LUZP2: variants seen among roughly 807,000 people sequenced by gnomAD.
The protein encoded by LUZP2 is leucine zipper protein 2.
LUZP2 carries 52 observed loss-of-function variants against 51.6 expected under a neutral mutation model. The observed-to-expected ratio is 1.01, with a 90% confidence interval of 0.81 to 1.27. The LOEUF (loss-of-function observed/expected upper bound fraction) is 1.27, where lower values mean the gene tolerates loss of function less well. LUZP2 is among the 50% of genes most tolerant of loss of function. The probability of loss-of-function intolerance (pLI) is 0.00; values close to 1 mark genes in which losing one functional copy is unlikely to be tolerated. For missense variants in LUZP2, 436 were observed against 395.4 expected (o/e 1.10, Z -0.87); for synonymous variants, 154 against 137.3 (o/e 1.12, Z -0.85).
At chr11:24,737,685 C>A (rs143301873) in intron 3 of LUZP2, among the ~76,000 whole-genome samples, 405 of 152,126 alleles carry the variant, frequency 2.7e-3, no homozygotes, top group African/African-American at 9.4e-3. Context: ...TTTAAATTAT[C>A]TTCATTAAAT....
intron 9 of LUZP2, among the ~76,000 whole-genome samples, chr11:25,029,358 A>G (rs966948081): frequency 6.6e-6 from 1 of 152,168 alleles, no homozygotes; most frequent in Non-Finnish European, 1.5e-5. Flanking sequence ...TACATCTACT[A>G]GGTACCCACA....
chr11:24,749,930 C>G (rs1859516741), intron 4 of LUZP2, among the ~76,000 whole-genome samples: 1 of 152,176 alleles, frequency 6.6e-6, no homozygotes, highest in Non-Finnish European at 1.5e-5. Flanking sequence ...GATGGCCTAT[C>G]ATGGGACTTC....
intron 9 of LUZP2, among the ~76,000 whole-genome samples, chr11:25,024,682 G>A (rs888128456): frequency 1.6e-4 from 24 of 152,112 alleles, no homozygotes; most frequent in African/African-American, 5.8e-4. Context: ...CATGCTCATG[G>A]ATAGGAAGAA....
intron 9 of LUZP2, among the ~76,000 whole-genome samples, chr11:25,026,500 G>A (rs1857496084): frequency 6.6e-6 from 1 of 151,616 alleles, no homozygotes; most frequent in Non-Finnish European, 1.5e-5. Context: ...AGAAATGTAG[G>A]TTAAAAGAAC....
At chr11:24,869,450 C>T (rs1442615878) in intron 5 of LUZP2, among the ~76,000 whole-genome samples, 1 of 151,520 alleles carries the variant, frequency 6.6e-6, no homozygotes, top group Non-Finnish European at 1.5e-5. Flanking sequence ...ACTTTTCCAT[C>T]ATTATTATTA....
At chr11:24,956,929 A>G (rs954547634) in intron 7 of LUZP2, among the ~76,000 whole-genome samples, 1 of 152,162 alleles carries the variant, frequency 6.6e-6, no homozygotes, top group Non-Finnish European at 1.5e-5. Context: ...GGAATAAAAA[A>G]AAATTAGAAT....
chr11:25,074,702 G>C (rs927426554), intron 10 of LUZP2, among the ~76,000 whole-genome samples: 1 of 152,024 alleles, frequency 6.6e-6, no homozygotes, highest in Admixed American at 6.6e-5. Context: ...ATTATGAAGT[G>C]AATATCAAAT....
intron 1 of LUZP2, among the ~76,000 whole-genome samples, chr11:24,571,914 C>A (rs1464470843): frequency 6.6e-6 from 1 of 151,988 alleles, no homozygotes; most frequent in Non-Finnish European, 1.5e-5. Context: ...TGTACTTCTA[C>A]ATCCTCTATT....
chr11:24,594,956 T>A (rs1050372759), intron 1 of LUZP2, among the ~76,000 whole-genome samples: 5 of 151,710 alleles, frequency 3.3e-5, no homozygotes, highest in Non-Finnish European at 7.4e-5. Context: ...GAGGCGGGGT[T>A]TCACCATATT....
At chr11:24,829,272 TG>T (rs1239884704) in intron 5 of LUZP2, among the ~76,000 whole-genome samples, 1 of 152,078 alleles carries the variant, frequency 6.6e-6, no homozygotes, top group Non-Finnish European at 1.5e-5. Context: ...TAAAGAGTTC[TG>T]GGTGTGGGCA....
chr11:25,069,879 A>T (rs1023698886), intron 10 of LUZP2, among the ~76,000 whole-genome samples: 1 of 151,900 alleles, frequency 6.6e-6, no homozygotes, highest in Admixed American at 6.6e-5. Flanking sequence ...TGAAACATCA[A>T]GGATGTTTCT....
chr11:24,864,818 A>G (rs1332962284), intron 5 of LUZP2, among the ~76,000 whole-genome samples: 1 of 152,186 alleles, frequency 6.6e-6, no homozygotes. Context: ...TGAAGAGGTG[A>G]TGCCACAATC....
chr11:24,529,778 T>C (rs1012706920), intron 1 of LUZP2, among the ~76,000 whole-genome samples: 10 of 151,180 alleles, frequency 6.6e-5, no homozygotes, highest in Non-Finnish European at 1.5e-4. Context: ...AGTCATTAAA[T>C]ATAGATATCC....
At chr11:24,879,496 T>C (rs916150992) in intron 5 of LUZP2, among the ~76,000 whole-genome samples, 1 of 152,178 alleles carries the variant, frequency 6.6e-6, no homozygotes, top group African/African-American at 2.4e-5. Flanking sequence ...ATCGCCACAT[T>C]GAATTCCACA....
chr11:25,017,884 C>T (rs1459764422), intron 9 of LUZP2, among the ~76,000 whole-genome samples: 1 of 152,104 alleles, frequency 6.6e-6, no homozygotes, highest in African/African-American at 2.4e-5. Flanking sequence ...TGGTTATCTT[C>T]ATGATAATGA....
At chr11:24,994,114 C>G (rs552356286) in intron 9 of LUZP2, among the ~76,000 whole-genome samples, 1 of 150,664 alleles carries the variant, frequency 6.6e-6, no homozygotes, top group South Asian at 2.1e-4. Context: ...CTGCCTCAGC[C>G]TCCCAAAGTG....
At chr11:24,718,785 G>C (rs550820075) in intron 1 of LUZP2, among the ~76,000 whole-genome samples, 1 of 152,310 alleles carries the variant, frequency 6.6e-6, no homozygotes, top group Non-Finnish European at 1.5e-5. Flanking sequence ...CTGACTTGAT[G>C]TATTTGGAGA....
intron 1 of LUZP2, among the ~76,000 whole-genome samples, chr11:24,538,260 C>T (rs1221961591): frequency 6.6e-6 from 1 of 151,544 alleles, no homozygotes; most frequent in South Asian, 2.1e-4. Context: ...TAGATATACA[C>T]CTGTAAAAGA....
At chr11:24,876,914 A>G (rs918097667) in intron 5 of LUZP2, among the ~76,000 whole-genome samples, 2 of 152,172 alleles carry the variant, frequency 1.3e-5, no homozygotes, top group Non-Finnish European at 2.9e-5. Context: ...CAACGCATCA[A>G]ATGAGAAGGG....
Sources: gnomAD v4.1 joint callset for allele counts (sites outside exome capture counted in the v4.1 genomes callset) on GRCh38, gnomAD v4.1.1 for gene constraint, MANE v1.5 for transcripts, NCBI Gene and HGNC (gene_info 2026-07-23, HGNC 2026-07-21) for gene names.